Variants in SLC22A23 observed in about 807,000 individuals in gnomAD.
SLC22A23 encodes ion transporter protein.
Under a neutral mutation model 61.0 loss-of-function variants are expected in SLC22A23, and 26 were observed. That is an observed-to-expected ratio of 0.43 (90% confidence interval 0.31 to 0.59). The LOEUF is 0.59. SLC22A23 is among the 20% of genes least tolerant of loss of function. The pLI is 0.11. For synonymous variants in SLC22A23, 430 were observed against 413.9 expected, an observed-to-expected ratio of 1.04 and a Z score of -0.47; for missense variants, 796 against 934.7, an observed-to-expected ratio of 0.85 and a Z score of 1.94.
intron 4 of SLC22A23, among the ~76,000 whole-genome samples, chr6:3,323,045 T>A (rs910149238): frequency 2.3e-5 from 3 of 128,502 alleles, no homozygotes; most frequent in African/African-American, 6.3e-5. Flanking sequence ...CAACATAAAT[T>A]CCCTGGAGAG....
chr6:3,370,862 C>T (rs548522623), intron 3 of SLC22A23, among the ~76,000 whole-genome samples: 1 of 152,338 alleles, frequency 6.6e-6, no homozygotes, highest in South Asian at 2.1e-4. Context: ...GAAAACAGCT[C>T]CTACCTGAGA....
chr6:3,281,059 C>T (rs531781082), intron 9 of SLC22A23, among the ~76,000 whole-genome samples: 52 of 152,280 alleles, frequency 3.4e-4, no homozygotes, highest in African/African-American at 1.2e-3. Flanking sequence ...TGGACCCCTC[C>T]GTGAGGGCAA....
intron 3 of SLC22A23, among the ~76,000 whole-genome samples, chr6:3,395,284 T>C (rs1397306198): frequency 1.3e-5 from 2 of 152,200 alleles, no homozygotes; most frequent in East Asian, 3.9e-4. Context: ...CATGTCACCA[T>C]GACTGGCTGC....
intron 1 of SLC22A23, among the ~76,000 whole-genome samples, chr6:3,426,659 CT>C (rs1770512314): frequency 6.6e-6 from 1 of 151,766 alleles, no homozygotes; most frequent in Non-Finnish European, 1.5e-5. Context: ...ATGCCTTTTT[CT>C]TTCTTTCTCT....
intron 3 of SLC22A23, among the ~76,000 whole-genome samples, chr6:3,344,281 G>T (rs949457137): frequency 7.9e-5 from 12 of 151,960 alleles, no homozygotes; most frequent in African/African-American, 2.9e-4. Flanking sequence ...AAGAAGGAGG[G>T]GAAAACCAAA....
intron 9 of SLC22A23, among the ~76,000 whole-genome samples, chr6:3,279,509 CAAAAAAAA>C (rs10642564): frequency 5.8e-4 from 21 of 36,016 alleles, no homozygotes; most frequent in Middle Eastern, 0.029. Context: ...GGCTCCGTCT[CAAAAAAAA>C]AAAAAAAAAA....
chr6:3,396,813 C>T (rs1768037649), intron 3 of SLC22A23, among the ~76,000 whole-genome samples: 1 of 152,204 alleles, frequency 6.6e-6, no homozygotes, highest in Non-Finnish European at 1.5e-5. Context: ...TTCTGGCTCC[C>T]GCATCTGCTG....
At chr6:3,331,536 A>G (rs2127409830) in intron 3 of SLC22A23, among the ~76,000 whole-genome samples, 1 of 152,360 alleles carries the variant, frequency 6.6e-6, no homozygotes, top group East Asian at 1.9e-4. Context: ...CTATATATTT[A>G]TATGTGGATA....
At chr6:3,428,725 G>T (rs1391232908) in intron 1 of SLC22A23, among the ~76,000 whole-genome samples, 1 of 152,190 alleles carries the variant, frequency 6.6e-6, no homozygotes, top group Non-Finnish European at 1.5e-5. Context: ...TTCACAACTG[G>T]ACTCTCCTCC....
chr6:3,305,373 C>G (rs1047284494), intron 4 of SLC22A23, among the ~76,000 whole-genome samples: 3 of 152,220 alleles, frequency 2.0e-5, no homozygotes, highest in Non-Finnish European at 2.9e-5. Flanking sequence ...AGTTGGGAAG[C>G]AGTGTTCCAG....
intron 3 of SLC22A23, among the ~76,000 whole-genome samples, chr6:3,345,369 T>C (rs1764372846): frequency 6.7e-6 from 1 of 148,172 alleles, no homozygotes; most frequent in South Asian, 2.3e-4. Flanking sequence ...TTTTCTTTTT[T>C]TTTTTTTTTT....
rs543522497 is a variant in SLC22A23 at position 3,277,588 on chromosome 6, C to T, written c.1704-4176G>A. Reference sequence around the variant, plus strand: ...GCATCCTCAGGACACTTGTGTAGCCCGAAGACACATTCGCATTGCGTGTCT... The same window carrying T: ...GCATCCTCAGGACACTTGTGTAGCCTGAAGACACATTCGCATTGCGTGTCT... On this transcript the variant is annotated intron_variant, in intron 9 of 9. Transcript: ENST00000406686. 7.9e-5 allele frequency among the ~76,000 whole-genome samples: 12 copies of T among 152,298 alleles called. No homozygotes were observed. In the South Asian group the frequency reaches 8.3e-4, roughly 11 times the overall value.
intron 9 of SLC22A23, among the ~76,000 whole-genome samples, chr6:3,277,751 C>T (rs528381370): frequency 2.6e-5 from 4 of 152,364 alleles, no homozygotes; most frequent in Admixed American, 6.5e-5. Flanking sequence ...GATTTCTAGA[C>T]TGGCCCCAGT....
Position 3,269,396 on chromosome 6 carries a change from G to GGTA in SLC22A23, c.*3656_*3658dup, listed in dbSNP as rs1206730553. On this transcript the variant is annotated 3_prime_UTR_variant, in exon 10 of 10. Transcript: ENST00000406686. The stretch of plus-strand genomic sequence containing the variant: ...GAGGATTTTATTACTCACCATTAAT[G>GGTA]GTAGTGAAATGCCCTTCGGTGGATA... 1 of 152,514 alleles carries GGTA rather than the reference G, an allele frequency of 6.6e-6. No homozygotes were observed. Among genetic ancestry groups the GGTA allele is most frequent in the Admixed American group, 6.5e-5 (1 of 15,292 alleles). 9.4% of individuals were successfully genotyped at this position (152,514 alleles called of 1,614,324 possible).
intron 9 of SLC22A23, among the ~76,000 whole-genome samples, chr6:3,279,602 TG>T (rs1336218344): frequency 1.3e-5 from 2 of 151,088 alleles, no homozygotes; most frequent in East Asian, 3.9e-4. Context: ...TTTTTGGCTT[TG>T]TTTTTTTTTC....
chr6:3,303,886 G>C (rs1174097135), intron 4 of SLC22A23, among the ~76,000 whole-genome samples: 1 of 152,182 alleles, frequency 6.6e-6, no homozygotes, highest in Non-Finnish European at 1.5e-5. Context: ...TGGATATGCT[G>C]CATGCTATTA....
In SLC22A23 at chr6:3,434,092, T is replaced by A. The variant is rs1463457774; in HGVS notation, c.655-18237A>T. ...CACTTTGGGAGGCCGAGGCGATGGATCACCTGGGGTCAGGAGTTCGAGACC... is the reference window on the plus strand; with the variant it reads ...CACTTTGGGAGGCCGAGGCGATGGAACACCTGGGGTCAGGAGTTCGAGACC... On this transcript the variant is annotated intron_variant, in intron 1 of 9. Transcript: ENST00000406686. Among the ~76,000 whole-genome samples the A allele has an allele frequency of 5.3e-5, 8 of 152,124 alleles. 1 individual carries two copies. The East Asian group carries it at 1.5e-3, about 29-fold the overall frequency.
At chr6:3,338,273 TA>T (rs2127418599) in intron 3 of SLC22A23, among the ~76,000 whole-genome samples, 1 of 152,394 alleles carries the variant, frequency 6.6e-6, no homozygotes, top group South Asian at 2.1e-4. Flanking sequence ...CCTGTACATG[TA>T]AAAATTAAAA....
At chr6:3,408,119 T>G (rs886412182) in intron 3 of SLC22A23, among the ~76,000 whole-genome samples, 7 of 152,232 alleles carry the variant, frequency 4.6e-5, no homozygotes, top group Non-Finnish European at 1.0e-4. Flanking sequence ...GTTGAGTAAC[T>G]GTGACAGACC....
Sources: gnomAD v4.1 joint callset for allele counts (sites outside exome capture counted in the v4.1 genomes callset) on GRCh38, gnomAD v4.1.1 for gene constraint, MANE v1.5 for transcripts, NCBI Gene and HGNC (gene_info 2026-07-23, HGNC 2026-07-21) for gene names.